Variants in PGAP4 observed in about 807,000 individuals in gnomAD.
PGAP4 encodes the protein GPI-N-acetylgalactosamine transferase PGAP4.
Under a neutral mutation model 28.2 loss-of-function variants are expected in PGAP4, and 12 were observed. The observed-to-expected ratio is 0.42, with a 90% CI of 0.27 to 0.69. PGAP4 has a LOEUF of 0.69. Among genes scored for constraint, PGAP4 ranks in the 30% least tolerant of loss-of-function variants. The probability of loss-of-function intolerance (pLI) is 0.22; values close to 1 mark genes in which losing one functional copy is unlikely to be tolerated. For missense variants in PGAP4, 425 were observed against 513.5 expected, an observed-to-expected ratio of 0.83 and a Z score of 1.67; for synonymous variants, 205 against 211.8, an observed-to-expected ratio of 0.97 and a Z score of 0.28.
At chr9:101,515,305 C>T (rs910288791) in intron 2 of PGAP4, among the ~76,000 whole-genome samples, 1 of 152,144 alleles carries the variant, frequency 6.6e-6, no homozygotes, top group Non-Finnish European at 1.5e-5. Flanking sequence ...CCTCTTTCTT[C>T]TTTGGCCTTT....
chr9:101,500,703 C>G (rs1006054037), intron 2 of PGAP4, among the ~76,000 whole-genome samples: 1 of 151,748 alleles, frequency 6.6e-6, no homozygotes, highest in African/African-American at 2.4e-5. Flanking sequence ...GACAGAAAAG[C>G]AGGGAGAAGA....
chr9:101,498,802 G>A (rs1219757015), intron 2 of PGAP4, among the ~76,000 whole-genome samples: 1 of 151,820 alleles, frequency 6.6e-6, no homozygotes, highest in Admixed American at 6.6e-5. Context: ...GAATATCAGG[G>A]GTTTAAATTG....
chr9:101,532,516 C>T (rs1217362568), intron 1 of PGAP4, among the ~76,000 whole-genome samples: 4 of 152,154 alleles, frequency 2.6e-5, no homozygotes, highest in African/African-American at 9.7e-5. Context: ...TGGCTAAATG[C>T]AGTCTGTGAA....
intron 1 of PGAP4, among the ~76,000 whole-genome samples, chr9:101,485,204 AC>A (rs140062544): frequency 0.042 from 6,350 of 152,272 alleles, 179 homozygotes; most frequent in Admixed American, 0.08. Context: ...AAGCTTTATA[AC>A]AGGTTTTAAT....
chr9:101,476,733 C>T lies in PGAP4; in HGVS notation c.360G>A (p.Gln120=). The change falls in exon 2 of 2, where the codon CAG becomes CAA. Residue 120 remains glutamine, a synonymous_variant. Coordinates refer to ENST00000374848, the MANE Select transcript of PGAP4 (RefSeq NM_032342.3). This position sits in a 1 kb window ranked among gnomAD's most constrained non-coding sequence, Gnocchi z 7.0. Reference sequence around the variant, plus strand: ...GAAGCCGGTGGAACTGGGACACAACCTGCAGGACGTAGTGGAAGCCAGGCT... The same window carrying T: ...GAAGCCGGTGGAACTGGGACACAACTTGCAGGACGTAGTGGAAGCCAGGCT... ...DRQPGFHYVL[Q]VVSQFHRLLQ... is the part of the protein sequence containing the mutation. 2 of 1,614,068 alleles carry T rather than the reference C, an allele frequency of 1.2e-6. No individual in the cohort carries two copies. The highest frequency in any genetic ancestry group is 2.2e-5 in the South Asian group (2 of 91,084).
At chr9:101,493,997 A>G (rs1826714666) in intron 2 of PGAP4, among the ~76,000 whole-genome samples, 1 of 152,016 alleles carries the variant, frequency 6.6e-6, no homozygotes, top group South Asian at 2.1e-4. Context: ...AAAGAAATAT[A>G]ATTTTATTTT....
intron 2 of PGAP4, among the ~76,000 whole-genome samples, chr9:101,511,841 C>T (rs1423623812): frequency 6.6e-6 from 1 of 152,114 alleles, no homozygotes; most frequent in Non-Finnish European, 1.5e-5. Context: ...GATGTACTTG[C>T]TATAGTCTGT....
chr9:101,478,876 C>A (rs1826402091), intron 1 of PGAP4, among the ~76,000 whole-genome samples: 1 of 152,200 alleles, frequency 6.6e-6, no homozygotes, highest in South Asian at 2.1e-4. Context: ...TGTCTAGACA[C>A]CAATAATTTT....
At chr9:101,507,711 G>T (rs1003798893) in intron 2 of PGAP4, among the ~76,000 whole-genome samples, 3 of 152,076 alleles carry the variant, frequency 2.0e-5, no homozygotes, top group African/African-American at 7.2e-5. Flanking sequence ...CTTTGGGAAT[G>T]GTCACACAGC....
chr9:101,498,204 G>A (rs993404135), intron 2 of PGAP4, among the ~76,000 whole-genome samples: 1 of 151,780 alleles, frequency 6.6e-6, no homozygotes, highest in African/African-American at 2.4e-5. Flanking sequence ...AATTGTATGA[G>A]AAAAACCTCT....
chr9:101,489,962 C>G (rs182031836), upstream of PGAP4, among the ~76,000 whole-genome samples: 116 of 152,242 alleles, frequency 7.6e-4, no homozygotes, highest in African/African-American at 2.6e-3. Flanking sequence ...ATTACCCTTC[C>G]TAATGGGAAG....
upstream of PGAP4, among the ~76,000 whole-genome samples, chr9:101,488,609 T>C (rs1826656018): frequency 6.6e-6 from 1 of 152,226 alleles, no homozygotes; most frequent in Non-Finnish European, 1.5e-5. Context: ...TTGGTAGTTA[T>C]TCACTTGTTT....
upstream of PGAP4, among the ~76,000 whole-genome samples, chr9:101,487,845 G>C (rs1826648038): frequency 6.6e-6 from 1 of 152,144 alleles, no homozygotes; most frequent in South Asian, 2.1e-4. Flanking sequence ...CGTAAACAAA[G>C]TTTTACTGCA....
chr9:101,478,490 A>G (rs1826390957), intron 1 of PGAP4, among the ~76,000 whole-genome samples: 1 of 152,210 alleles, frequency 6.6e-6, no homozygotes, highest in African/African-American at 2.4e-5. Context: ...TGTGGAGCAG[A>G]CTCAGCCAGT....
intron 2 of PGAP4, among the ~76,000 whole-genome samples, chr9:101,503,836 A>G (rs1052845803): frequency 1.3e-5 from 2 of 151,994 alleles, no homozygotes; most frequent in African/African-American, 2.4e-5. Context: ...AGAGTTTGCT[A>G]TGTTTCCCTA....
chr9:101,500,803 G>A (rs1269599532), intron 2 of PGAP4, among the ~76,000 whole-genome samples: 1 of 152,010 alleles, frequency 6.6e-6, no homozygotes, highest in Non-Finnish European at 1.5e-5. Context: ...GCAAACTGAT[G>A]AAGATCTAGA....
chr9:101,493,020 C>T (rs1303630769), intron 2 of PGAP4, among the ~76,000 whole-genome samples: 6 of 151,786 alleles, frequency 4.0e-5, no homozygotes, highest in East Asian at 1.9e-4. Context: ...TTTGGGAGGC[C>T]GAGGCGGGCG....
At chr9:101,495,424 G>A (rs71509732) in intron 2 of PGAP4, among the ~76,000 whole-genome samples, 1,445 of 34,466 alleles carry the variant, frequency 0.042, 26 homozygotes, top group African/African-American at 0.067. Flanking sequence ...TATTATATAT[G>A]CTTATATTTT....
At chr9:101,481,491 AT>A (rs2118531678) in intron 1 of PGAP4, 1 of 152,370 alleles carries the variant, frequency 6.6e-6, no homozygotes, top group East Asian at 1.9e-4. Flanking sequence ...AACAATACAT[AT>A]CCAGTTCTTA....
Sources: allele counts gnomAD v4.1 joint callset (sites outside exome capture counted in the v4.1 genomes callset), GRCh38; gene constraint gnomAD v4.1.1; non-coding constraint Gnocchi (gnomAD v3.1); transcripts MANE v1.5; gene names NCBI Gene and HGNC (gene_info 2026-07-23, HGNC 2026-07-21).